ST6GALNAC4: variants seen among roughly 807,000 people sequenced by gnomAD.
ST6GALNAC4 encodes ST6 N-acetylgalactosaminide alpha-2,6-sialyltransferase 4, also known as alpha-N-acetyl-neuraminyl-2,3-beta-galactosyl-1,3-N-acetyl-galactosaminide alpha-2,6-sialyltransferase.
ST6GALNAC4 carries 24 observed loss-of-function variants against 30.4 expected under a neutral mutation model. The observed-to-expected ratio is 0.79, with a 90% CI of 0.57 to 1.11. The LOEUF (loss-of-function observed/expected upper bound fraction) is 1.11, where lower values mean the gene tolerates loss of function less well. ST6GALNAC4 is among the 50% of genes most tolerant of loss of function. ST6GALNAC4 has a pLI of 0.00. For missense variants in ST6GALNAC4, 365 were observed against 430.1 expected (o/e 0.85, Z 1.34); for synonymous variants, 156 against 179.7 (o/e 0.87, Z 1.05).
intron 4 of ST6GALNAC4, among the ~76,000 whole-genome samples, chr9:127,910,803 C>T (rs959981485): frequency 5.9e-5 from 9 of 152,174 alleles, no homozygotes; most frequent in Admixed American, 1.3e-4. Flanking sequence ...TAACATTCCA[C>T]GGAAGCACCA....
At chr9:127,909,917 C>G (rs762501466) in intron 5 of ST6GALNAC4, 34 bp downstream of exon 5, 3 of 1,601,430 alleles carry the variant, frequency 1.9e-6, no homozygotes, top group Non-Finnish European at 2.6e-6. Context: ...CAGTCCTCCC[C>G]GCGTCCCCGC....
intron 5 of ST6GALNAC4, among the ~76,000 whole-genome samples, chr9:127,909,563 A>ATG (rs1396243076): frequency 6.7e-6 from 1 of 150,222 alleles, no homozygotes. Flanking sequence ...ATATATATAT[A>ATG]TATATATTTA....
Position 127,916,392 on chromosome 9 carries a change from CCTT to C in ST6GALNAC4, c.12+13_12+15del. On this transcript the variant is annotated intron_variant, in intron 2 of 5. Transcript: ENST00000335791. ...GGCCTCTGCGTTCCCTGGAAGTCCT[CCTT>C]CTTCCCACTTACCGGAGCCTTCATG... 2.5e-6 allele frequency: 4 copies of C among 1,614,166 alleles called. No homozygotes were observed. Among genetic ancestry groups the C allele is most frequent in the South Asian group, 1.1e-5 (1 of 91,080 alleles).
chr9:127,910,541 G>C, intron 4 of ST6GALNAC4: 1 of 992,374 alleles, frequency 1.0e-6, no homozygotes, highest in Non-Finnish European at 1.2e-6. Flanking sequence ...GTGAAGTGGA[G>C]ATAATTTTAG....
chr9:127,912,669 G>A lies in ST6GALNAC4; in HGVS notation c.210C>T (p.Arg70=), dbSNP rs147093045. ...CCACGGCACAGCTGCGGCAGGGCTC[G>A]CGGACCAGCGGCTGCAGGGCAGGCA... The part of the protein sequence containing the change: ...SSVPDGKPLV[R]EPCRSCAVVS... The change falls in exon 4 of 6, where the codon CGC becomes CGT. Residue 70 remains arginine, a synonymous_variant. Transcript: ENST00000335791. 3.2e-6 allele frequency: 5 copies of A among 1,572,944 alleles called. No homozygotes were observed. The highest frequency in any genetic ancestry group is 2.3e-5 in the East Asian group (1 of 44,118).
rs751400796 is a variant in ST6GALNAC4, at chr9:127,914,706, C to G, written c.148G>C (p.Val50Leu). 1.2e-6 allele frequency: 2 copies of G among 1,612,784 alleles called. No individual in the cohort carries two copies. Among genetic ancestry groups the G allele is most frequent in the Non-Finnish European group, 1.7e-6 (2 of 1,179,380 alleles). ...HHFPTGSRPT[V>L]PGPLHFSGYS... is the part of the protein sequence containing the mutation. ...CCACTGAAGTGCAGGGGTCCCGGCA[C>G]AGTGGGCCTGGAGCCTGTGGGGAAG... The change falls in exon 3 of 6, where the codon GTG becomes CTG. Residue 50 changes from valine (V) to leucine (L), a missense_variant. By Grantham distance (32) the Val-to-Leu change is conservative (BLOSUM62 1). Transcript: ENST00000335791.
rs747112947 is a variant in ST6GALNAC4 at position 127,912,554 on chromosome 9, C to T, written c.325G>A (p.Val109Met). The T allele has an allele frequency of 5.0e-6, 8 of 1,613,230 alleles. No individual in the cohort carries two copies. Among genetic ancestry groups the T allele is most frequent in the South Asian group, 2.2e-5 (2 of 91,082 alleles). The change falls in exon 4 of 6, where the codon GTG (valine) becomes ATG (methionine). Residue 109 changes from valine to methionine, a missense_variant. By Grantham distance (21) the Val-to-Met change is conservative. Transcript: ENST00000335791. ...TGGCCCACATCCGCCTCAAAGCCCACGGTGGGCGCCTGGTTCATGCGGAAC... is the reference window on the plus strand; with the variant it reads ...TGGCCCACATCCGCCTCAAAGCCCATGGTGGGCGCCTGGTTCATGCGGAAC... ...CVFRMNQAPTVGFEADVGQRS... is the reference protein window; with the variant it reads ...CVFRMNQAPTMGFEADVGQRS...
Position 127,908,534 on chromosome 9 carries a change from C to A in ST6GALNAC4, c.767G>T (p.Arg256Leu), listed in dbSNP as rs143204345. The A allele has an allele frequency of 3.1e-5, 49 of 1,603,356 alleles. No homozygotes were observed. The African/African-American group carries it at 4.7e-4, about 15-fold the overall frequency. ...SVPYHYFEKG[R>L]LDECQMYLAH... ...CAGGTACATCTGACACTCATCTAGC[C>A]GGCCCTTCTCAAAGTAGTGGTAAGG... Residue 256 changes from arginine to leucine, a missense_variant, in exon 6 of 6, where the codon CGG becomes CTG. Transcript: ENST00000335791.
Position 127,916,483 on chromosome 9 carries a change from G to A in ST6GALNAC4, c.-64C>T. ...CCAGGGCTGGGGCTGGGAAGGGGTG[G>A]GAGCCGGGCACCTGCCAAGACCCAG... On this transcript the variant is annotated 5_prime_UTR_variant, in exon 2 of 6. Transcript: ENST00000335791. 1 of 1,605,382 alleles carries A rather than the reference G, an allele frequency of 6.2e-7. No homozygotes were observed. The highest frequency in any genetic ancestry group is 8.5e-7 in the Non-Finnish European group (1 of 1,172,420).
rs1831096733 is a variant in ST6GALNAC4, at chr9:127,912,459, G to A, written c.420C>T (p.Phe140=). The change falls in exon 4 of 6, where the codon TTC becomes TTT. Residue 140 remains phenylalanine, a synonymous_variant. Transcript: ENST00000335791. The part of the protein sequence containing the change: ...PLLLRNYSHY[F]QKARDTLYMV... ...TGTAGAGCGTGTCTCGGGCCTTCTG[G>A]AAGTAGTGTGAATAGTTGCGCAGCA... 1 of 1,613,938 alleles carries A rather than the reference G, an allele frequency of 6.2e-7. No homozygotes were observed. The highest frequency in any genetic ancestry group is 8.5e-7 in the Non-Finnish European group (1 of 1,179,968).
At chr9:127,915,175 C>A (rs1347229712) in intron 2 of ST6GALNAC4, among the ~76,000 whole-genome samples, 4 of 152,326 alleles carry the variant, frequency 2.6e-5, no homozygotes, top group South Asian at 4.1e-4. Context: ...TAACTGGAGG[C>A]TAGGGTGTAC....
intron 3 of ST6GALNAC4, among the ~76,000 whole-genome samples, chr9:127,914,429 G>A (rs1831146143): frequency 7.3e-6 from 1 of 136,208 alleles, no homozygotes; most frequent in Non-Finnish European, 1.5e-5. Context: ...TAGAATCTAG[G>A]GCTCAGAGCC....
chr9:127,914,144 C>T (rs1339091289), intron 3 of ST6GALNAC4, among the ~76,000 whole-genome samples: 1 of 151,806 alleles, frequency 6.6e-6, no homozygotes, highest in African/African-American at 2.4e-5. Flanking sequence ...CCTGTAATCC[C>T]AGCACTTTGA....
rs1208501035 is a variant in ST6GALNAC4, at chr9:127,912,651, A to AGCTGGACACCACGGCT, written c.227_228insAGCCGTGGTGTCCAGC (p.Cys76Ter). ...TTTGGCCGGAGCTGGACACCACGGC[A>AGCTGGACACCACGGCT]CAGCTGCGGCAGGGCTCGCGGACCA... On this transcript the variant is annotated stop_gained and frameshift_variant, in exon 4 of 6. Coordinates refer to ENST00000335791, the MANE Select transcript of ST6GALNAC4 (RefSeq NM_175039.4). LOFTEE classifies it high-confidence loss of function. 2 of 1,588,000 alleles carry AGCTGGACACCACGGCT rather than the reference A, an allele frequency of 1.3e-6. No homozygotes were observed. The highest frequency in any genetic ancestry group is 1.7e-6 in the Non-Finnish European group (2 of 1,168,834).
rs747941085 is a variant in ST6GALNAC4, at chr9:127,912,527, G to A, written c.352C>T (p.Arg118Cys). ...TGTGAGACGACACGCAGGGTGCTGC[G>A]CTGGCCCACATCCGCCTCAAAGCCC... The part of the protein sequence containing the change: ...TVGFEADVGQ[R>C]STLRVVSHTS... The change falls in exon 4 of 6, where the codon CGC becomes TGC. Residue 118 changes from arginine (R) to cysteine (C), a missense_variant. Transcript: ENST00000335791. 9 of 1,613,720 alleles carry A rather than the reference G, an allele frequency of 5.6e-6. No homozygotes were observed. The highest frequency in any genetic ancestry group is 2.2e-5 in the East Asian group (1 of 44,882).
intron 5 of ST6GALNAC4, among the ~76,000 whole-genome samples, chr9:127,909,249 C>G (rs191404439): frequency 6.6e-6 from 1 of 151,820 alleles, no homozygotes; most frequent in Non-Finnish European, 1.5e-5. Context: ...ATTAGCTGGG[C>G]GTGGTGGCAC....
rs1446272401 is a variant in ST6GALNAC4 at position 127,908,381 on chromosome 9, G to A, written c.*11C>T. On this transcript the variant is annotated 3_prime_UTR_variant, in exon 6 of 6. Coordinates refer to ENST00000335791, the MANE Select transcript of ST6GALNAC4 (RefSeq NM_175039.4). ...CTCGCAACGGCATGGCGACTGGCAG[G>A]ACGACGGAAGCTACTCAGTCCTCCA... 3.3e-6 allele frequency: 5 copies of A among 1,520,344 alleles called. No individual in the cohort carries two copies. Among genetic ancestry groups the A allele is most frequent in the African/African-American group, 1.4e-5 (1 of 72,660 alleles). 94.2% of individuals were successfully genotyped at this position (1,520,344 alleles called of 1,614,324 possible).
intron 1 of ST6GALNAC4, 142 bp from the exon 2 acceptor site, chr9:127,916,636 C>G (rs1831200801): frequency 1.6e-6 from 1 of 607,904 alleles, no homozygotes; most frequent in South Asian, 1.9e-5. Context: ...CGTCTCCAAA[C>G]ACCGGAAGGC....
At chr9:127,915,315 G>C (rs1480581758) in intron 2 of ST6GALNAC4, among the ~76,000 whole-genome samples, 1 of 152,098 alleles carries the variant, frequency 6.6e-6, no homozygotes, top group African/African-American at 2.4e-5. Context: ...AAAGTGCTGT[G>C]CACATGACAA....
Sources: gnomAD v4.1 joint callset for allele counts (sites outside exome capture counted in the v4.1 genomes callset) on GRCh38, gnomAD v4.1.1 for gene constraint, MANE v1.5 for transcripts, NCBI Gene and HGNC (gene_info 2026-07-23, HGNC 2026-07-21) for gene names.